The following GPAT3 variants were observed in gnomAD, a reference collection of about 807,000 sequenced individuals.
GPAT3 encodes the protein glycerol-3-phosphate acyltransferase 3, also known as 1-AGP acyltransferase 9.
GPAT3 carries 53 observed loss-of-function variants against 58.8 expected under a neutral mutation model. The ratio of observed to expected loss-of-function variants is 0.90; its 90% CI spans 0.72 to 1.13. The LOEUF (loss-of-function observed/expected upper bound fraction) is 1.13. Among genes scored for constraint, GPAT3 ranks in the 50% most tolerant of loss-of-function variants. The pLI is 0.00. For synonymous variants in GPAT3, 197 were observed against 187.4 expected (o/e 1.05, Z -0.42); for missense variants, 511 against 527.6 (o/e 0.97, Z 0.31).
chr4:83,552,693 C>A (rs181283654), intron 2 of GPAT3, among the ~76,000 whole-genome samples: 2 of 152,310 alleles, frequency 1.3e-5, no homozygotes, highest in Admixed American at 1.3e-4. Context: ...TTGGAGGGAG[C>A]TTTACTTAAA....
At chr4:83,539,976 G>A (rs1433503534) in intron 1 of GPAT3, among the ~76,000 whole-genome samples, 1 of 151,984 alleles carries the variant, frequency 6.6e-6, no homozygotes, top group Non-Finnish European at 1.5e-5. Flanking sequence ...TAGCCAACAT[G>A]GTAAAACCCC....
At position 83,549,711 on chromosome 4, in the gene GPAT3, T is replaced by TTTATTATTATTATTATTATTATTA. The variant is rs529043483; in HGVS notation, c.208+5126_208+5127insATTATTATTATTATTATTATTATT. On this transcript the variant is annotated intron_variant, in intron 2 of 11. Coordinates refer to ENST00000264409, the MANE Select transcript of GPAT3 (RefSeq NM_032717.5). ...CACGCCTGGCTAATTTTTGTATATA[T>TTTATTATTATTATTATTATTATTA]TTATTATTATTATTATTGTTATTAT... is the stretch of plus-strand genomic sequence containing the variant. Among the ~76,000 whole-genome samples, 93 of 142,872 alleles carry TTTATTATTATTATTATTATTATTA rather than the reference T, an allele frequency of 6.5e-4. 1 individual carries two copies. The highest frequency in any genetic ancestry group is 2.4e-3 in the African/African-American group (90 of 37,992). 93.7% of individuals were successfully genotyped at this position (142,872 alleles called of 152,430 possible).
At chr4:83,546,381 T>TG (rs1724512226) in intron 2 of GPAT3, among the ~76,000 whole-genome samples, 1 of 132,840 alleles carries the variant, frequency 7.5e-6, no homozygotes, top group Non-Finnish European at 1.7e-5. Context: ...TGGATTTAGT[T>TG]TTTTTTTTTT....
rs535166258 is a variant in GPAT3, at chr4:83,554,358, G to A, written c.208+9756G>A. Reference sequence around the variant, plus strand: ...CAGTATCTACCACATTGAAAATACAGCTTGTCATTTTAGAAGTATTCCCCA... The same window carrying A: ...CAGTATCTACCACATTGAAAATACAACTTGTCATTTTAGAAGTATTCCCCA... On this transcript the variant is annotated intron_variant, in intron 2 of 11. Coordinates refer to ENST00000264409, the MANE Select transcript of GPAT3 (RefSeq NM_032717.5). Among the ~76,000 whole-genome samples, 17 of 152,196 alleles carry A rather than the reference G, an allele frequency of 1.1e-4. No homozygotes were observed. The South Asian group carries it at 2.9e-3, about 26-fold the overall frequency.
rs1378720901 is a variant in GPAT3, at chr4:83,605,242, T to C, written c.*475T>C. 6.6e-6 allele frequency: 1 copy of C among 152,348 alleles called. No individual in the cohort carries two copies. Among genetic ancestry groups the C allele is most frequent in the Admixed American group, 6.5e-5 (1 of 15,278 alleles). 9.4% of individuals were successfully genotyped at this position (152,348 alleles called of 1,614,324 possible). A position where few individuals can be genotyped will look rare whatever the true frequency, so the allele number is the denominator to read the frequency against. On this transcript the variant is annotated 3_prime_UTR_variant, in exon 12 of 12. Coordinates refer to ENST00000264409, the MANE Select transcript of GPAT3 (RefSeq NM_032717.5). ...GGTTGAAAGGAAAAATGGAGGATTG[T>C]ATTTAGGAAAAGGGACAACTTTGTG...
rs143082326 is a variant in GPAT3, at chr4:83,562,881, G to T, written c.208+18279G>T. Among the ~76,000 whole-genome samples the T allele has an allele frequency of 6.1e-3, 926 of 152,152 alleles. 13 individuals carry two copies. The highest frequency in any genetic ancestry group is 0.021 in the African/African-American group (852 of 41,494). ...CTTCTGTCCACTGCTACTCTTGTGG[G>T]CTATATTTTTCTCCCAAGAATAATA... On this transcript the variant is annotated intron_variant, in intron 2 of 11. Coordinates refer to ENST00000264409, the MANE Select transcript of GPAT3 (RefSeq NM_032717.5).
At chr4:83,574,402 C>T (rs1725708903) in intron 2 of GPAT3, among the ~76,000 whole-genome samples, 1 of 152,160 alleles carries the variant, frequency 6.6e-6, no homozygotes, top group Non-Finnish European at 1.5e-5. Flanking sequence ...TTCATTTCCA[C>T]AGGCCTTTCG....
chr4:83,579,081 C>CTTTCTTCCCTT (rs1725993896), intron 2 of GPAT3, among the ~76,000 whole-genome samples: 6 of 19,636 alleles, frequency 3.1e-4, no homozygotes, highest in Non-Finnish European at 4.8e-4. Context: ...TTTCTTTCTT[C>CTTTCTTCCCTT]CCTTCCTTCC....
chr4:83,572,453 TA>T (rs1231942823), intron 2 of GPAT3, among the ~76,000 whole-genome samples: 1 of 152,198 alleles, frequency 6.6e-6, no homozygotes, highest in Non-Finnish European at 1.5e-5. Flanking sequence ...ATTCAACAGT[TA>T]TCAAGAATTT....
At chr4:83,580,075 T>A (rs990446597) in intron 2 of GPAT3, among the ~76,000 whole-genome samples, 11 of 152,234 alleles carry the variant, frequency 7.2e-5, no homozygotes, top group African/African-American at 2.7e-4. Context: ...AACCAATGAA[T>A]GATCATATGA....
chr4:83,555,874 C>T (rs961919124), intron 2 of GPAT3, among the ~76,000 whole-genome samples: 4 of 151,970 alleles, frequency 2.6e-5, no homozygotes, highest in African/African-American at 7.3e-5. Context: ...TAGCTGGTGT[C>T]GAAGAATTGT....
Position 83,561,910 on chromosome 4 carries a change from A to G in GPAT3, c.208+17308A>G, listed in dbSNP as rs1037384095. Among the ~76,000 whole-genome samples the G allele has an allele frequency of 3.3e-5, 5 of 150,960 alleles. No individual in the cohort carries two copies. The South Asian group carries it at 8.4e-4, about 25-fold the overall frequency. ...TAGTACAAGCCTGATTTAATTTTAG[A>G]AATTTGGAAATGATATTTCGTAAGT... On this transcript the variant is annotated intron_variant, in intron 2 of 11. Coordinates refer to ENST00000264409, the MANE Select transcript of GPAT3 (RefSeq NM_032717.5).
intron 11 of GPAT3, 72 bp from the exon 12 acceptor site, chr4:83,604,596 G>A: frequency 3.3e-6 from 4 of 1,210,314 alleles, no homozygotes; most frequent in Non-Finnish European, 4.7e-6. Context: ...CATGCAGCAT[G>A]TAATTATTAA....
Position 83,569,401 on chromosome 4 carries a change from A to G in GPAT3, c.209-12161A>G, listed in dbSNP as rs545847509. Among the ~76,000 whole-genome samples the G allele has an allele frequency of 2.6e-5, 4 of 152,350 alleles. No homozygotes were observed. In the East Asian group the frequency reaches 7.7e-4, roughly 29 times the overall value. ...GCTGCTTGGCTCTTTGGACCAAAAA[A>G]GAGAGACCATTTTCTATAAACCTTG... On this transcript the variant is annotated intron_variant, in intron 2 of 11. Transcript: ENST00000264409.
chr4:83,545,715 T>C (rs1485317127), intron 2 of GPAT3, among the ~76,000 whole-genome samples: 1 of 152,200 alleles, frequency 6.6e-6, no homozygotes, highest in Non-Finnish European at 1.5e-5. Context: ...CTATATTTTA[T>C]CCTTTTTTTA....
intron 11 of GPAT3, among the ~76,000 whole-genome samples, chr4:83,600,054 C>A (rs1157055810): frequency 6.6e-6 from 1 of 152,104 alleles, no homozygotes; most frequent in Non-Finnish European, 1.5e-5. Flanking sequence ...CTGTGGGTAA[C>A]TGAAACCATG....
intron 6 of GPAT3, among the ~76,000 whole-genome samples, chr4:83,593,890 A>G (rs560529950): frequency 6.6e-6 from 1 of 152,204 alleles, no homozygotes; most frequent in African/African-American, 2.4e-5. Context: ...TTTTTTGAAT[A>G]TGTAGGGTAT....
intron 2 of GPAT3, among the ~76,000 whole-genome samples, chr4:83,581,246 TTG>T (rs894425434): frequency 2.0e-5 from 3 of 150,792 alleles, no homozygotes; most frequent in Admixed American, 6.6e-5. Flanking sequence ...GGGGAGAATT[TTG>T]TGTGTGTGTG....
intron 5 of GPAT3, among the ~76,000 whole-genome samples, chr4:83,588,888 A>T (rs992730421): frequency 2.0e-5 from 3 of 152,216 alleles, no homozygotes; most frequent in African/African-American, 7.2e-5. Flanking sequence ...AGTGAAAGTG[A>T]TTTTGATTGC....
Sources: gnomAD v4.1 joint callset for allele counts (sites outside exome capture counted in the v4.1 genomes callset) on GRCh38, gnomAD v4.1.1 for gene constraint, MANE v1.5 for transcripts, NCBI Gene and HGNC (gene_info 2026-07-23, HGNC 2026-07-21) for gene names.